The following GPAT4 variants were observed in gnomAD, a reference collection of about 807,000 sequenced individuals.
GPAT4 encodes 1-AGP acyltransferase 6.
A neutral mutation model predicts 58.0 loss-of-function variants in GPAT4; 17 were observed. The ratio of observed to expected loss-of-function variants is 0.29; its 90% confidence interval spans 0.20 to 0.44. The LOEUF (loss-of-function observed/expected upper bound fraction) is 0.44. Ranked by LOEUF, GPAT4 falls within the 20% of genes least tolerant of loss-of-function variation. The pLI is 1.00. For missense variants in GPAT4, 377 were observed against 574.5 expected, an observed-to-expected ratio of 0.66 and a Z score of 3.51; for synonymous variants, 204 against 210.1, an observed-to-expected ratio of 0.97 and a Z score of 0.25.
chr8:41,583,727 A>C lies in GPAT4; in HGVS notation c.-849+5449A>C, dbSNP rs1187432929. 2.6e-5 allele frequency among the ~76,000 whole-genome samples: 4 copies of C among 152,230 alleles called. No individual in the cohort carries two copies. In the East Asian group the frequency reaches 7.7e-4, roughly 29 times the overall value. On this transcript the variant is annotated intron_variant, in intron 1 of 12. Transcript: ENST00000396987. The stretch of plus-strand genomic sequence containing the variant: ...TGTCAGTGGAACATAAAGATGAAGG[A>C]ATGTTTTATTTTGCTTAGTAATGTT...
At chr8:41,582,462 C>CACACACACACACAT (rs1464807266) in intron 1 of GPAT4, among the ~76,000 whole-genome samples, 1 of 145,402 alleles carries the variant, frequency 6.9e-6, no homozygotes. Context: ...CACACACACA[C>CACACACACACACAT]ACACACACAC....
chr8:41,607,540 CTTT>C (rs397946899), intron 2 of GPAT4, among the ~76,000 whole-genome samples: 14 of 140,162 alleles, frequency 1.0e-4, no homozygotes, highest in Non-Finnish European at 9.4e-5. Context: ...GTTTCTCTCT[CTTT>C]TTTTTTTTTT....
chr8:41,621,289 C>CA lies in GPAT4; in HGVS notation c.*289dup, dbSNP rs1803743378. On this transcript the variant is annotated 3_prime_UTR_variant, in exon 13 of 13. Transcript: ENST00000396987. The stretch of plus-strand genomic sequence containing the variant: ...AGGAATGCCATTAAAGTGAACTCCC[C>CA]ACCTTTGCACGCTGTGCGGGCTGAG... 1 of 421,594 alleles carries CA rather than the reference C, an allele frequency of 2.4e-6. No homozygotes were observed. Among genetic ancestry groups the CA allele is most frequent in the Non-Finnish European group, 4.4e-6 (1 of 228,618 alleles). The allele number at this position is 421,594 out of a possible 1,614,324, so 26.1% of individuals were successfully genotyped here.
At chr8:41,617,335 G>A (rs765354984) in intron 10 of GPAT4, among the ~76,000 whole-genome samples, 5 of 152,110 alleles carry the variant, frequency 3.3e-5, no homozygotes, top group South Asian at 2.1e-4. Context: ...CAGCACTCCA[G>A]CCTGGGCGAC....
At chr8:41,610,493 G>C in intron 4 of GPAT4, 3 of 1,363,626 alleles carry the variant, frequency 2.2e-6, no homozygotes, top group Non-Finnish European at 2.8e-6. Flanking sequence ...CCTTCCAGCT[G>C]CCTGAGGCCT....
In GPAT4 at chr8:41,588,505, T is replaced by C. The variant is rs138761279; in HGVS notation, c.-848-9787T>C. Among the ~76,000 whole-genome samples, 486 of 152,304 alleles carry C rather than the reference T, an allele frequency of 3.2e-3. 4 individuals are homozygous for C. The highest frequency in any genetic ancestry group is 9.3e-3 in the African/African-American group (386 of 41,540). On this transcript the variant is annotated intron_variant, in intron 1 of 12. Transcript: ENST00000396987. ...CTTTTCCCTTTCCTTTTCTCTCTTCTCTCTTTTCTCTTCTTTTCTTTTCCT... is the reference window on the plus strand; with the variant it reads ...CTTTTCCCTTTCCTTTTCTCTCTTCCCTCTTTTCTCTTCTTTTCTTTTCCT...
chr8:41,620,826 C>T, intron 12 of GPAT4, 67 bp from the exon 13 acceptor site: 1 of 1,539,632 alleles, frequency 6.5e-7, no homozygotes, highest in Non-Finnish European at 8.8e-7. Flanking sequence ...CATGGTGCAT[C>T]TCCCATGGTG....
chr8:41,599,328 T>G, intron 2 of GPAT4, 24 bp downstream of exon 2: 1 of 1,612,818 alleles, frequency 6.2e-7, no homozygotes, highest in Non-Finnish European at 8.5e-7. Context: ...TTACAAAAGG[T>G]TGCTTCACAG....
chr8:41,605,124 A>G (rs1365142332), intron 2 of GPAT4, among the ~76,000 whole-genome samples: 1 of 152,120 alleles, frequency 6.6e-6, no homozygotes, highest in Non-Finnish European at 1.5e-5. Context: ...AAATATTGGG[A>G]GTTGATGAAT....
In GPAT4 at chr8:41,599,013, G is replaced by T; in HGVS notation, c.-127G>T. On this transcript the variant is annotated 5_prime_UTR_variant, in exon 2 of 13. Transcript: ENST00000396987. ...CAGGCGGTTGAAGGGTGTGGACTTTGGAATGGGGTTTGCTGTTCTTCGGGA... is the reference window on the plus strand; with the variant it reads ...CAGGCGGTTGAAGGGTGTGGACTTTTGAATGGGGTTTGCTGTTCTTCGGGA... The T allele has an allele frequency of 7.8e-7, 1 of 1,276,630 alleles. No homozygotes were observed. The highest frequency in any genetic ancestry group is 1.1e-6 in the Non-Finnish European group (1 of 926,340). 79.1% of individuals were successfully genotyped at this position (1,276,630 alleles called of 1,614,324 possible).
At chr8:41,603,454 A>G (rs1803159543) in intron 2 of GPAT4, among the ~76,000 whole-genome samples, 1 of 141,986 alleles carries the variant, frequency 7.0e-6, no homozygotes, top group Non-Finnish European at 1.5e-5. Context: ...TGAACCCAGG[A>G]GGTGGAGGTT....
At chr8:41,607,718 G>A (rs1042623105) in intron 2 of GPAT4, among the ~76,000 whole-genome samples, 1 of 151,822 alleles carries the variant, frequency 6.6e-6, no homozygotes, top group Non-Finnish European at 1.5e-5. Context: ...TTTTAGATAC[G>A]GGATTTTGCC....
At chr8:41,591,595 TGAA>T (rs1338775033) in intron 1 of GPAT4, among the ~76,000 whole-genome samples, 4 of 152,230 alleles carry the variant, frequency 2.6e-5, no homozygotes, top group Non-Finnish European at 4.4e-5. Context: ...TTTTATCATT[TGAA>T]GAAGTACAGG....
At chr8:41,582,674 A>AGTGTGTGT (rs34365074) in intron 1 of GPAT4, among the ~76,000 whole-genome samples, 9,766 of 142,496 alleles carry the variant, frequency 0.069, 385 homozygotes, top group African/African-American at 0.1. Flanking sequence ...AGAGAGAGAG[A>AGTGTGTGT]GTGTGTGTGT....
chr8:41,601,390 T>C (rs996994191), intron 2 of GPAT4, among the ~76,000 whole-genome samples: 3 of 152,226 alleles, frequency 2.0e-5, no homozygotes, highest in Non-Finnish European at 4.4e-5. Context: ...AATTTTCATA[T>C]ATTTTAGTCC....
At chr8:41,589,551 C>T (rs760486735) in intron 1 of GPAT4, among the ~76,000 whole-genome samples, 2 of 151,622 alleles carry the variant, frequency 1.3e-5, no homozygotes, top group Non-Finnish European at 3.0e-5. Context: ...TTGTTTTTTG[C>T]ATCTGTTTAA....
At chr8:41,582,025 T>G (rs1585644754) in intron 1 of GPAT4, among the ~76,000 whole-genome samples, 2 of 116,290 alleles carry the variant, frequency 1.7e-5, no homozygotes, top group Admixed American at 1.8e-4. Context: ...TTTTTTTTTT[T>G]GGAGACTGAG....
At chr8:41,602,374 G>GC (rs1286902543) in intron 2 of GPAT4, among the ~76,000 whole-genome samples, 1 of 152,240 alleles carries the variant, frequency 6.6e-6, no homozygotes, top group Non-Finnish European at 1.5e-5. Context: ...GTGTGTGCCA[G>GC]CCACCGAAAG....
intron 1 of GPAT4, among the ~76,000 whole-genome samples, chr8:41,597,748 A>G (rs1315386754): frequency 3.9e-5 from 6 of 152,232 alleles, no homozygotes; most frequent in Admixed American, 3.9e-4. Flanking sequence ...AAGGAGCTCT[A>G]TGTGTATTGA....
Sources: allele counts gnomAD v4.1 joint callset (sites outside exome capture counted in the v4.1 genomes callset), GRCh38; gene constraint gnomAD v4.1.1; transcripts MANE v1.5; gene names NCBI Gene and HGNC (gene_info 2026-07-23, HGNC 2026-07-21).